The following STIL variants were observed in gnomAD, a reference collection of about 807,000 sequenced individuals.
The protein encoded by STIL is STIL centriolar assembly protein.
Under a neutral mutation model 110.1 loss-of-function variants are expected in STIL, and 55 were observed. The observed-to-expected ratio is 0.50, with a 90% CI of 0.40 to 0.63. The LOEUF (loss-of-function observed/expected upper bound fraction) is 0.63, where lower values mean the gene tolerates loss of function less well. STIL is among the 20% of genes least tolerant of loss of function. The pLI is 0.00. For synonymous variants in STIL, 481 were observed against 530.0 expected, an observed-to-expected ratio of 0.91 and a Z score of 1.27; for missense variants, 1,358 against 1,530.0, an observed-to-expected ratio of 0.89 and a Z score of 1.87.
At position 47,251,113 on chromosome 1, in the gene STIL, T is replaced by G; in HGVS notation, c.*23A>C. On this transcript the variant is annotated 3_prime_UTR_variant, in exon 17 of 17. Transcript: ENST00000371877. ...TTCAGGAGACACCCTGTCCCTGTAT[T>G]AAAAGGGCAGGGAGTTAAAAGGTTA... 6.2e-7 allele frequency: 1 copy of G among 1,610,122 alleles called. No individual in the cohort carries two copies. Among genetic ancestry groups the G allele is most frequent in the South Asian group, 1.1e-5 (1 of 90,448 alleles).
intron 16 of STIL, among the ~76,000 whole-genome samples, chr1:47,256,736 T>G (rs1019105797): frequency 1.3e-5 from 2 of 152,078 alleles, no homozygotes; most frequent in Non-Finnish European, 2.9e-5. Flanking sequence ...GGCTCACGCC[T>G]GTAATCCCAG....
chr1:47,291,811 C>CT (rs1557756143), intron 8 of STIL, among the ~76,000 whole-genome samples: 2 of 152,108 alleles, frequency 1.3e-5, no homozygotes, highest in African/African-American at 4.8e-5. Context: ...AGTGATCCAC[C>CT]CGCCTTGGCC....
At chr1:47,289,056 C>A (rs1266205747) in intron 9 of STIL, among the ~76,000 whole-genome samples, 5 of 85,794 alleles carry the variant, frequency 5.8e-5, no homozygotes, top group East Asian at 2.7e-4. Context: ...AGTGAGATTC[C>A]ATCTCAAAAA....
rs537019496 is a variant in STIL at position 47,267,590 on chromosome 1, A to G, written c.2615+2045T>C. On this transcript the variant is annotated intron_variant, in intron 14 of 16. Coordinates refer to ENST00000371877, the MANE Select transcript of STIL (RefSeq NM_001048166.1). ...TGTGGTGGCCCGTGCCTGTAGTCCC[A>G]GCTACTTGGGAGGCTGAGGTTGCAG... Among the ~76,000 whole-genome samples, 3 of 150,102 alleles carry G rather than the reference A, an allele frequency of 2.0e-5. No individual in the cohort carries two copies. In the South Asian group the frequency reaches 6.3e-4, roughly 32 times the overall value.
At chr1:47,267,667 TAA>T (rs10713698) in intron 14 of STIL, among the ~76,000 whole-genome samples, 1,774 of 110,632 alleles carry the variant, frequency 0.016, 39 homozygotes, top group African/African-American at 0.045. Context: ...AGCGAGTATC[TAA>T]AAAAAAAAAA....
intron 16 of STIL, 105 bp downstream of exon 16, chr1:47,260,184 A>C: frequency 1.7e-6 from 2 of 1,196,872 alleles, no homozygotes; most frequent in Non-Finnish European, 1.2e-6. Context: ...AGATTGCCAC[A>C]ATACATCTAA....
At chr1:47,284,604 T>C (rs546931157) in intron 10 of STIL, among the ~76,000 whole-genome samples, 13 of 152,300 alleles carry the variant, frequency 8.5e-5, no homozygotes, top group African/African-American at 3.1e-4. Flanking sequence ...GTAAAGATGT[T>C]CCTGGCTGGG....
At chr1:47,304,149 G>GT (rs201833770) in intron 3 of STIL, among the ~76,000 whole-genome samples, 2,603 of 145,332 alleles carry the variant, frequency 0.018, 76 homozygotes, top group African/African-American at 0.062. Context: ...TTATTGCACC[G>GT]TTTTTTTTTC....
At chr1:47,312,937 C>T (rs1646177824) in intron 1 of STIL, 1 of 152,218 alleles carries the variant, frequency 6.6e-6, no homozygotes, top group Admixed American at 6.5e-5. Flanking sequence ...TTGCTAACTT[C>T]ATCAACTCAC....
At chr1:47,287,503 A>G in intron 10 of STIL, 48 bp downstream of exon 10, 1 of 1,232,204 alleles carries the variant, frequency 8.1e-7, no homozygotes, top group African/African-American at 1.5e-5. Flanking sequence ...AAACTAATAA[A>G]TATAATTTTT....
intron 12 of STIL, among the ~76,000 whole-genome samples, chr1:47,279,017 G>T (rs755568344): frequency 3.9e-5 from 6 of 152,000 alleles, no homozygotes; most frequent in Admixed American, 6.5e-5. Context: ...CATATGTATG[G>T]CCGGGCGCGG....
intron 16 of STIL, among the ~76,000 whole-genome samples, chr1:47,256,343 G>A (rs931358941): frequency 1.3e-5 from 2 of 152,082 alleles, no homozygotes; most frequent in Admixed American, 6.6e-5. Flanking sequence ...TAAAATCTTC[G>A]CTGGAGCAGT....
In STIL at chr1:47,289,448, AAT is replaced by A; in HGVS notation, c.1008_1009del (p.Leu337ThrfsTer7). 6.2e-7 allele frequency: 1 copy of A among 1,613,884 alleles called. No homozygotes were observed. The highest frequency in any genetic ancestry group is 8.5e-7 in the Non-Finnish European group (1 of 1,179,816). On this transcript the variant is annotated frameshift_variant, in exon 9 of 17. Transcript: ENST00000371877. LOFTEE classifies it high-confidence loss of function. ...GAAATCACTTACTTTGAAAAGATGT[AAT>A]GTTTCCTTACTGGTTAGCAACTGAA...
intron 14 of STIL, among the ~76,000 whole-genome samples, chr1:47,263,856 G>C (rs536538271): frequency 1.4e-5 from 2 of 146,666 alleles, no homozygotes; most frequent in Admixed American, 7.0e-5. Context: ...GGGTTCAAGC[G>C]ATTCTCCTGC....
At chr1:47,312,673 G>T (rs1344229857) in intron 1 of STIL, among the ~76,000 whole-genome samples, 9 of 152,094 alleles carry the variant, frequency 5.9e-5, no homozygotes, top group Non-Finnish European at 2.9e-5. Context: ...TGCGCTATTT[G>T]TGTTTTATTC....
intron 8 of STIL, among the ~76,000 whole-genome samples, chr1:47,292,867 C>A (rs955800897): frequency 6.6e-6 from 1 of 152,158 alleles, no homozygotes; most frequent in Non-Finnish European, 1.5e-5. Flanking sequence ...AAGTCCTTTA[C>A]AGCCACCCAA....
chr1:47,271,964 C>T (rs1644853337), intron 13 of STIL, 112 bp downstream of exon 13: 1 of 1,130,094 alleles, frequency 8.8e-7, no homozygotes, highest in Non-Finnish European at 1.3e-6. Flanking sequence ...CTCTCATCAC[C>T]TTGGTTTTGG....
rs975919566 is a variant in STIL, at chr1:47,250,972, C to T, written c.*164G>A. ...CTATTTGAACAATGAGAACTTAGTC[C>T]TATCACCAGCCAGCCATCTCACAGA... On this transcript the variant is annotated 3_prime_UTR_variant, in exon 17 of 17. Transcript: ENST00000371877. 7 of 639,314 alleles carry T rather than the reference C, an allele frequency of 1.1e-5. No homozygotes were observed. Among genetic ancestry groups the T allele is most frequent in the African/African-American group, 9.2e-5 (5 of 54,438 alleles). 39.6% of individuals were successfully genotyped at this position (639,314 alleles called of 1,614,324 possible).
At chr1:47,288,230 CAATAATT>C (rs1488618317) in intron 9 of STIL, among the ~76,000 whole-genome samples, 1 of 151,238 alleles carries the variant, frequency 6.6e-6, no homozygotes, top group East Asian at 1.9e-4. Context: ...CTAAAATAAC[CAATAATT>C]TTATTGAAAA....
Sources: allele counts gnomAD v4.1 joint callset (sites outside exome capture counted in the v4.1 genomes callset), GRCh38; gene constraint gnomAD v4.1.1; transcripts MANE v1.5; gene names NCBI Gene and HGNC (gene_info 2026-07-23, HGNC 2026-07-21).